The following LRRC37A variants were observed in gnomAD, a reference collection of about 807,000 sequenced individuals.
LRRC37A encodes the protein leucine-rich repeat-containing protein 37A.
LRRC37A carries 3 observed loss-of-function variants against 35.4 expected under a neutral mutation model. The ratio of observed to expected loss-of-function variants is 0.08; its 90% CI spans 0.04 to 0.22. LRRC37A has a LOEUF of 0.22. Ranked by LOEUF, LRRC37A falls within the 10% of genes least tolerant of loss-of-function variation. The probability of loss-of-function intolerance (pLI) is 1.00; values close to 1 mark genes in which losing one functional copy is unlikely to be tolerated. For synonymous variants in LRRC37A, 23 were observed against 215.0 expected (o/e 0.11, Z 7.81); for missense variants, 67 against 565.3 (o/e 0.12, Z 8.94).
chr17:46,259,736 C>T, the LRRC37A span: 4 of 1,575,054 alleles, frequency 2.5e-6, no homozygotes, highest in Non-Finnish European at 3.4e-6. Context: ...GGAATCACCA[C>T]CTGGTACCAG....
At chr17:46,290,497 C>T (rs144760741), upstream of LRRC37A, among the ~76,000 whole-genome samples, 10 of 152,300 alleles carry the variant, frequency 6.6e-5, no homozygotes, top group African/African-American at 2.2e-4. Context: ...CTCGCTCTGT[C>T]GTGCAGTGGC....
chr17:46,249,120 T>C, the LRRC37A span, among the ~76,000 whole-genome samples: 1 of 152,178 alleles, frequency 6.6e-6, no homozygotes, highest in Middle Eastern at 3.4e-3. Flanking sequence ...CTGTGGACTT[T>C]GGTGTCGGCA....
At chr17:46,307,750 G>A (rs1245287582) in intron 5 of LRRC37A, among the ~76,000 whole-genome samples, 1 of 79,186 alleles carries the variant, frequency 1.3e-5, no homozygotes, top group East Asian at 2.5e-4. Context: ...GGGAGCGGTG[G>A]CTCATGCCTG....
At chr17:46,255,648 G>T in the LRRC37A span, among the ~76,000 whole-genome samples, 10 of 151,216 alleles carry the variant, frequency 6.6e-5, no homozygotes, top group African/African-American at 1.9e-4. Context: ...TTACCAGCAT[G>T]AGCCACCGCG....
the LRRC37A span, among the ~76,000 whole-genome samples, chr17:46,282,091 G>GT: frequency 6.6e-6 from 1 of 151,910 alleles, no homozygotes; most frequent in Non-Finnish European, 1.5e-5. Context: ...TTGTCCTTCA[G>GT]TTTTTTTGTT....
the LRRC37A span, among the ~76,000 whole-genome samples, chr17:46,283,266 A>T: frequency 6.6e-6 from 1 of 150,884 alleles, no homozygotes; most frequent in Admixed American, 6.6e-5. Context: ...AATAAAATAT[A>T]CACTGAGACT....
the LRRC37A span, among the ~76,000 whole-genome samples, chr17:46,264,060 A>G: frequency 6.6e-6 from 1 of 152,058 alleles, no homozygotes; most frequent in Non-Finnish European, 1.5e-5. Flanking sequence ...AAATAATAAT[A>G]CAATTCATTG....
chr17:46,292,741 T>C (rs1242038487), upstream of LRRC37A: 5 of 79,494 alleles, frequency 6.3e-5, 1 homozygote, highest in African/African-American at 1.6e-4. Flanking sequence ...TCGAAAACTA[T>C]AATGCCTTTC....
At chr17:46,248,302 G>A in the LRRC37A span, among the ~76,000 whole-genome samples, 2 of 151,960 alleles carry the variant, frequency 1.3e-5, no homozygotes, top group Non-Finnish European at 2.9e-5. Context: ...GATGAGTTTT[G>A]ACAAATGTAT....
chr17:46,263,715 G>A, the LRRC37A span, among the ~76,000 whole-genome samples: 7 of 151,226 alleles, frequency 4.6e-5, no homozygotes, highest in South Asian at 6.2e-4. Context: ...TTAGCAGGTC[G>A]TGGTGGCACA....
chr17:46,253,763 G>T, the LRRC37A span, among the ~76,000 whole-genome samples: 1 of 149,726 alleles, frequency 6.7e-6, no homozygotes, highest in Admixed American at 6.6e-5. Flanking sequence ...GGGAGAGGGA[G>T]AGGGAGGGGG....
chr17:46,256,036 C>T, the LRRC37A span, among the ~76,000 whole-genome samples: 19,671 of 150,358 alleles, frequency 0.13, 1,255 homozygotes, highest in East Asian at 0.3. Flanking sequence ...GAAGGTGGGG[C>T]CTTTGGGACG....
the LRRC37A span, among the ~76,000 whole-genome samples, chr17:46,248,519 T>C: frequency 3.9e-5 from 6 of 152,048 alleles, no homozygotes; most frequent in African/African-American, 1.5e-4. Context: ...TTCTTTCACT[T>C]AGCATAATTT....
the LRRC37A span, among the ~76,000 whole-genome samples, chr17:46,283,639 C>A: frequency 1.3e-5 from 2 of 152,302 alleles, no homozygotes; most frequent in South Asian, 4.1e-4. Context: ...CCCCTCCACA[C>A]CTGTGGGTGT....
chr17:46,265,363 CCTTCTT>C, the LRRC37A span, among the ~76,000 whole-genome samples: 1 of 141,296 alleles, frequency 7.1e-6, no homozygotes, highest in Non-Finnish European at 1.6e-5. Flanking sequence ...TCCTCCTTCT[CCTTCTT>C]CTCCTTCTTC....
At chr17:46,277,803 C>A in the LRRC37A span, among the ~76,000 whole-genome samples, 1 of 151,818 alleles carries the variant, frequency 6.6e-6, no homozygotes, top group East Asian at 1.9e-4. Flanking sequence ...CCCACCCTTA[C>A]GCCTAGCTAA....
At chr17:46,259,783 T>G in the LRRC37A span, 1 of 1,560,962 alleles carries the variant, frequency 6.4e-7, no homozygotes, top group South Asian at 1.2e-5. Context: ...GCCCAAACAC[T>G]TGGTGAGGAA....
At chr17:46,284,076 G>A in the LRRC37A span, among the ~76,000 whole-genome samples, 1 of 152,272 alleles carries the variant, frequency 6.6e-6, no homozygotes, top group African/African-American at 2.4e-5. Context: ...GCCCAGGGAC[G>A]GGCAGGAGAC....
chr17:46,286,620 A>G, the LRRC37A span, among the ~76,000 whole-genome samples: 2 of 152,256 alleles, frequency 1.3e-5, no homozygotes, highest in African/African-American at 2.4e-5. Context: ...GAAGCAAGAT[A>G]AATTTTGAAG....
Sources: allele counts gnomAD v4.1 joint callset (sites outside exome capture counted in the v4.1 genomes callset), GRCh38; gene constraint gnomAD v4.1.1; transcripts MANE v1.5; gene names NCBI Gene and HGNC (gene_info 2026-07-23, HGNC 2026-07-21).